Variants in SUGCT observed in about 807,000 individuals in gnomAD.
SUGCT encodes succinyl-CoA:glutarate CoA-transferase.
SUGCT carries 41 observed loss-of-function variants against 55.0 expected under a neutral mutation model. The ratio of observed to expected loss-of-function variants is 0.74; its 90% CI spans 0.58 to 0.97. SUGCT has a LOEUF of 0.97. SUGCT is among the 50% of genes least tolerant of loss of function. The probability of loss-of-function intolerance (pLI) is 0.00; values close to 1 mark genes in which losing one functional copy is unlikely to be tolerated. For missense variants in SUGCT, 568 were observed against 547.8 expected, an observed-to-expected ratio of 1.04 and a Z score of -0.37; for synonymous variants, 187 against 200.4, an observed-to-expected ratio of 0.93 and a Z score of 0.56.
At chr7:41,007,438 G>A in the SUGCT span, among the ~76,000 whole-genome samples, 1 of 152,158 alleles carries the variant, frequency 6.6e-6, no homozygotes, top group Admixed American at 6.5e-5. Context: ...AATATACTCA[G>A]CACGGGAGCT....
chr7:40,813,656 G>A (rs1177387587), intron 13 of SUGCT, among the ~76,000 whole-genome samples: 1 of 151,962 alleles, frequency 6.6e-6, no homozygotes, highest in African/African-American at 2.4e-5. Context: ...ATAGATGGAT[G>A]GGTATTATTT....
intron 9 of SUGCT, among the ~76,000 whole-genome samples, chr7:40,402,709 T>G (rs564599741): frequency 6.6e-6 from 1 of 152,306 alleles, no homozygotes; most frequent in East Asian, 1.9e-4. Context: ...ATTAAATGGT[T>G]CTGGAAATCA....
intron 12 of SUGCT, among the ~76,000 whole-genome samples, chr7:40,628,048 C>T (rs2151803333): frequency 1.3e-5 from 2 of 152,138 alleles, no homozygotes; most frequent in South Asian, 4.2e-4. Flanking sequence ...CAGTAGGGTC[C>T]CCCCTTATCT....
chr7:40,380,949 G>A (rs375626238), intron 9 of SUGCT, among the ~76,000 whole-genome samples: 7 of 152,218 alleles, frequency 4.6e-5, no homozygotes, highest in Non-Finnish European at 7.4e-5. Flanking sequence ...AATGAAATGC[G>A]TAGCTTTTTC....
At chr7:40,506,284 A>G (rs1156230803) in intron 12 of SUGCT, among the ~76,000 whole-genome samples, 2 of 152,154 alleles carry the variant, frequency 1.3e-5, no homozygotes, top group African/African-American at 4.8e-5. Context: ...CTTGTTAGAC[A>G]GTTTCTTCCT....
chr7:40,525,683 G>A (rs1402116424), intron 12 of SUGCT, among the ~76,000 whole-genome samples: 1 of 152,112 alleles, frequency 6.6e-6, no homozygotes, highest in African/African-American at 2.4e-5. Context: ...TTAAGCCTGG[G>A]TTACTGAAAA....
At chr7:40,274,813 TTTTTTGAGATGGAATTTTGCTCTTG>T (rs1386008330) in intron 8 of SUGCT, among the ~76,000 whole-genome samples, 157 bp downstream of exon 8, 2 of 152,220 alleles carry the variant, frequency 1.3e-5, no homozygotes, top group Non-Finnish European at 2.9e-5. Flanking sequence ...GTTTCTTTTC[TTTTTTGAGATGGAATTTTGCTCTTG>T]TTGCCCAGGC....
At chr7:40,250,919 C>T (rs1790337937) in intron 7 of SUGCT, among the ~76,000 whole-genome samples, 1 of 150,376 alleles carries the variant, frequency 6.6e-6, no homozygotes, top group African/African-American at 2.5e-5. Flanking sequence ...TCACTGCAAC[C>T]TCTGCCTCCC....
intron 11 of SUGCT, among the ~76,000 whole-genome samples, chr7:40,491,218 A>G (rs1791658887): frequency 6.6e-6 from 1 of 152,172 alleles, no homozygotes; most frequent in African/African-American, 2.4e-5. Flanking sequence ...AGATACAACT[A>G]ACATTGGTGA....
At chr7:40,197,182 T>G (rs890245456) in intron 6 of SUGCT, among the ~76,000 whole-genome samples, 2 of 152,150 alleles carry the variant, frequency 1.3e-5, no homozygotes, top group African/African-American at 2.4e-5. Flanking sequence ...ACTTGGTAGA[T>G]GATTCTTGGC....
intron 9 of SUGCT, among the ~76,000 whole-genome samples, chr7:40,353,301 T>A (rs998393386): frequency 2.6e-5 from 4 of 152,138 alleles, no homozygotes; most frequent in Non-Finnish European, 5.9e-5. Flanking sequence ...AGGGTACTCA[T>A]AGACCAGCAG....
chr7:40,906,891 G>C, the SUGCT span, among the ~76,000 whole-genome samples: 4 of 152,142 alleles, frequency 2.6e-5, no homozygotes, highest in Non-Finnish European at 5.9e-5. Flanking sequence ...CTATAACTTA[G>C]AGTTGACAAA....
At chr7:40,259,696 A>G (rs780278612) in intron 7 of SUGCT, among the ~76,000 whole-genome samples, 2 of 152,154 alleles carry the variant, frequency 1.3e-5, no homozygotes, top group Non-Finnish European at 2.9e-5. Flanking sequence ...TTACTTACCG[A>G]CATTCATTTG....
the SUGCT span, among the ~76,000 whole-genome samples, chr7:40,936,835 C>G: frequency 2.6e-5 from 4 of 151,630 alleles, no homozygotes; most frequent in Non-Finnish European, 5.9e-5. Flanking sequence ...TTAAGTTTTT[C>G]TTATGATTTC....
chr7:40,434,650 A>G (rs1014132334), intron 9 of SUGCT, among the ~76,000 whole-genome samples: 2 of 152,250 alleles, frequency 1.3e-5, no homozygotes, highest in South Asian at 2.1e-4. Flanking sequence ...TCCTTCTGGT[A>G]TCTATCTTAA....
At chr7:40,975,083 A>G in the SUGCT span, among the ~76,000 whole-genome samples, 1 of 152,220 alleles carries the variant, frequency 6.6e-6, no homozygotes, top group African/African-American at 2.4e-5. Flanking sequence ...ATCAGTAACA[A>G]ATAGAATCTG....
At chr7:40,956,774 TCA>T in the SUGCT span, among the ~76,000 whole-genome samples, 1 of 152,224 alleles carries the variant, frequency 6.6e-6, no homozygotes, top group Non-Finnish European at 1.5e-5. Context: ...AATTTCCCTC[TCA>T]ACACTGCTTT....
chr7:40,431,762 A>G (rs970428304), intron 9 of SUGCT, among the ~76,000 whole-genome samples: 1 of 152,114 alleles, frequency 6.6e-6, no homozygotes, highest in African/African-American at 2.4e-5. Context: ...TGTTGGTTCT[A>G]TTTAGATATT....
the SUGCT span, among the ~76,000 whole-genome samples, chr7:40,892,600 C>G: frequency 6.6e-6 from 1 of 152,140 alleles, no homozygotes; most frequent in Non-Finnish European, 1.5e-5. Context: ...ATGCTGTGAT[C>G]ATAGCTCACT....
Sources: gnomAD v4.1 joint callset for allele counts (sites outside exome capture counted in the v4.1 genomes callset) on GRCh38, gnomAD v4.1.1 for gene constraint, MANE v1.5 for transcripts, NCBI Gene and HGNC (gene_info 2026-07-23, HGNC 2026-07-21) for gene names.